Variants in NPAS3 observed in about 807,000 individuals in gnomAD.
NPAS3 encodes the protein neuronal PAS domain protein 3.
NPAS3 carries 14 observed loss-of-function variants against 73.1 expected under a neutral mutation model. The observed-to-expected ratio is 0.19, with a 90% CI of 0.13 to 0.30. The LOEUF (loss-of-function observed/expected upper bound fraction) is 0.30. Ranked by LOEUF, NPAS3 falls within the 10% of genes least tolerant of loss-of-function variation. The pLI, the probability that NPAS3 is intolerant of heterozygous loss-of-function variation, is 1.00. For missense variants in NPAS3, 1,096 were observed against 1,250.0 expected, an observed-to-expected ratio of 0.88 and a Z score of 1.86; for synonymous variants, 620 against 541.5, an observed-to-expected ratio of 1.14 and a Z score of -2.01.
At chr14:33,286,850 C>A (rs2140091011) in intron 3 of NPAS3, among the ~76,000 whole-genome samples, 1 of 152,198 alleles carries the variant, frequency 6.6e-6, no homozygotes, top group Admixed American at 6.6e-5. Flanking sequence ...AAAGGTATAT[C>A]CCTTTGATGC....
At position 33,117,961 on chromosome 14, in the gene NPAS3, T is replaced by C. The variant is rs75955365; in HGVS notation, c.140+61967T>C. 6.1e-3 allele frequency among the ~76,000 whole-genome samples: 924 copies of C among 152,214 alleles called. 10 individuals carry two copies. The highest frequency in any genetic ancestry group is 0.021 in the African/African-American group (878 of 41,552). On this transcript the variant is annotated intron_variant, in intron 2 of 11. Coordinates refer to ENST00000356141, the Ensembl canonical transcript of NPAS3. ...CTACAATTTAGGCAGGATTGAGAAA[T>C]AGATAATAGTTATAATTATTCACAG...
At chr14:33,283,992 G>A (rs2041749025) in intron 3 of NPAS3, among the ~76,000 whole-genome samples, 1 of 151,974 alleles carries the variant, frequency 6.6e-6, no homozygotes, top group Admixed American at 6.6e-5. Flanking sequence ...TTAATACTTT[G>A]TTTATCTTCC....
At chr14:33,488,746 T>G (rs2051738877) in intron 4 of NPAS3, among the ~76,000 whole-genome samples, 1 of 152,160 alleles carries the variant, frequency 6.6e-6, no homozygotes, top group Non-Finnish European at 1.5e-5. Flanking sequence ...CCCTGCCGTC[T>G]CGCTGGCACA....
chr14:33,038,344 A>C (rs1261810619), intron 1 of NPAS3, among the ~76,000 whole-genome samples: 3 of 152,282 alleles, frequency 2.0e-5, no homozygotes, highest in Non-Finnish European at 4.4e-5. Context: ...AGGTTAATAC[A>C]AATAATGATT....
At chr14:32,983,428 T>A (rs1247821323) in intron 1 of NPAS3, among the ~76,000 whole-genome samples, 1 of 152,196 alleles carries the variant, frequency 6.6e-6, no homozygotes, top group Non-Finnish European at 1.5e-5. Flanking sequence ...GGCACTCACT[T>A]GTATTAAATT....
At chr14:33,198,920 C>T (rs1051743157) in intron 2 of NPAS3, among the ~76,000 whole-genome samples, 3 of 152,166 alleles carry the variant, frequency 2.0e-5, no homozygotes, top group Non-Finnish European at 2.9e-5. Context: ...TTGAGCGCGG[C>T]GTGGATGGGC....
chr14:33,173,815 T>A (rs2045485233), intron 2 of NPAS3, among the ~76,000 whole-genome samples: 1 of 152,208 alleles, frequency 6.6e-6, no homozygotes, highest in South Asian at 2.1e-4. Context: ...CAGTAGTGTA[T>A]GTAAGATTAT....
chr14:33,439,608 A>C (rs2049146603), intron 4 of NPAS3, among the ~76,000 whole-genome samples: 1 of 152,260 alleles, frequency 6.6e-6, no homozygotes, highest in African/African-American at 2.4e-5. Context: ...AATAGCCCTT[A>C]AATTTAAAAA....
intron 2 of NPAS3, among the ~76,000 whole-genome samples, chr14:33,111,828 C>T (rs2042906288): frequency 6.6e-6 from 1 of 150,690 alleles, no homozygotes; most frequent in East Asian, 2.0e-4. Context: ...TTGCCCGCAC[C>T]CCACAACAGG....
chr14:33,597,303 G>C (rs1019857999), intron 5 of NPAS3, among the ~76,000 whole-genome samples: 3 of 152,316 alleles, frequency 2.0e-5, no homozygotes, highest in Non-Finnish European at 2.9e-5. Flanking sequence ...GGAGAGGTTT[G>C]ACTCCTGTAA....
chr14:33,244,244 CTT>C (rs2048305676), intron 3 of NPAS3, among the ~76,000 whole-genome samples: 1 of 151,844 alleles, frequency 6.6e-6, no homozygotes, highest in South Asian at 2.1e-4. Flanking sequence ...TACATGGAGA[CTT>C]ATATCTTCTA....
chr14:33,242,955 A>G (rs191610424), intron 3 of NPAS3, among the ~76,000 whole-genome samples: 1 of 152,242 alleles, frequency 6.6e-6, no homozygotes, highest in African/African-American at 2.4e-5. Flanking sequence ...TCTACAGTCT[A>G]TATTTGAAGG....
At chr14:32,938,043 C>A (rs905257560), upstream of NPAS3, among the ~76,000 whole-genome samples, 2 of 152,144 alleles carry the variant, frequency 1.3e-5, no homozygotes, top group Non-Finnish European at 2.9e-5. Context: ...TCCCAAGTCC[C>A]GGGACCCGAG....
Position 33,045,114 on chromosome 14 carries a change from C to T in NPAS3, c.51-10791C>T, listed in dbSNP as rs561914953. Among the ~76,000 whole-genome samples the T allele has an allele frequency of 3.3e-5, 5 of 152,294 alleles. No individual in the cohort carries two copies. In the East Asian group the frequency reaches 7.7e-4, roughly 24 times the overall value. On this transcript the variant is annotated intron_variant, in intron 1 of 11. Coordinates refer to ENST00000356141, the Ensembl canonical transcript of NPAS3. Reference sequence around the variant, plus strand: ...CCTGGAAGTGCTGCTCATCACTTCTCTCCCCTTGCATTGGTGAGAATATAG... The same window carrying T: ...CCTGGAAGTGCTGCTCATCACTTCTTTCCCCTTGCATTGGTGAGAATATAG...
At chr14:33,047,781 C>T (rs576135831) in intron 1 of NPAS3, among the ~76,000 whole-genome samples, 1 of 152,246 alleles carries the variant, frequency 6.6e-6, no homozygotes, top group South Asian at 2.1e-4. Flanking sequence ...ATATCCAGCT[C>T]GGTCACTACT....
rs192643854 is a variant in NPAS3 at position 33,112,584 on chromosome 14, A to G, written c.140+56590A>G. 1.6e-4 allele frequency among the ~76,000 whole-genome samples: 24 copies of G among 152,266 alleles called. No individual in the cohort carries two copies. The East Asian group carries it at 4.6e-3, about 29-fold the overall frequency. ...GATATTAGCCCTTTGTCAGATGAGT[A>G]GATTGCAAAAATTTTCTCCCATTCT... On this transcript the variant is annotated intron_variant, in intron 2 of 11. Transcript: ENST00000356141.
At chr14:33,246,306 G>A (rs1187130290) in intron 3 of NPAS3, among the ~76,000 whole-genome samples, 1 of 151,928 alleles carries the variant, frequency 6.6e-6, no homozygotes, top group African/African-American at 2.4e-5. Flanking sequence ...TTGGGAGGCC[G>A]AGGCGGGCGG....
intron 4 of NPAS3, among the ~76,000 whole-genome samples, chr14:33,432,675 T>C (rs141985029): frequency 9.2e-5 from 14 of 152,310 alleles, no homozygotes; most frequent in African/African-American, 3.4e-4. Context: ...ATAGTTAATA[T>C]AACCCAAAAG....
At chr14:33,321,268 A>G (rs1261463398) in intron 3 of NPAS3, among the ~76,000 whole-genome samples, 1 of 152,138 alleles carries the variant, frequency 6.6e-6, no homozygotes, top group East Asian at 1.9e-4. Flanking sequence ...AGATTTGTAG[A>G]TACTCTAGAG....
Sources: gnomAD v4.1 joint callset for allele counts (sites outside exome capture counted in the v4.1 genomes callset) on GRCh38, gnomAD v4.1.1 for gene constraint, MANE v1.5 for transcripts, NCBI Gene and HGNC (gene_info 2026-07-23, HGNC 2026-07-21) for gene names.